Variants in OR1F1 observed in about 807,000 individuals in gnomAD.
OR1F1 encodes the protein olfactory receptor family 1 subfamily F member 1, also known as olfactory receptor 1F1.
For missense variants in OR1F1, 493 were observed against 376.3 expected (o/e 1.31, Z -2.57); for synonymous variants, 184 against 156.7 (o/e 1.17, Z -1.30).
upstream of OR1F1, chr16:3,204,107 C>T (rs1468177872): frequency 1.1e-5 from 7 of 650,974 alleles, no homozygotes; most frequent in Non-Finnish European, 1.6e-5. Flanking sequence ...AGTAGCAGCC[C>T]CAGCAGGGTT....
At chr16:3,190,126 A>G in the OR1F1 span, among the ~76,000 whole-genome samples, 1 of 152,018 alleles carries the variant, frequency 6.6e-6, no homozygotes, top group East Asian at 1.9e-4. Context: ...TTAATGAGAG[A>G]GTGAGCCAGG....
the OR1F1 span, among the ~76,000 whole-genome samples, chr16:3,193,922 C>T: frequency 6.6e-6 from 1 of 151,976 alleles, no homozygotes; most frequent in Non-Finnish European, 1.5e-5. Flanking sequence ...GTAACTGCCC[C>T]AGTGGCCTGA....
chr16:3,204,266 C>T (rs201608761), exon 1 of OR1F1: 43 of 1,608,748 alleles, frequency 2.7e-5, no homozygotes, highest in African/African-American at 1.2e-4. Context: ...ACAAACCAGT[C>T]GAGTGTCTCC....
upstream of OR1F1, chr16:3,204,185 C>A (rs529350112): frequency 4.3e-5 from 56 of 1,303,922 alleles, no homozygotes; most frequent in African/African-American, 7.7e-4. Flanking sequence ...TCTTAACCAG[C>A]ATTTTCCAAG....
At chr16:3,201,271 G>A (rs1453845808), upstream of OR1F1, among the ~76,000 whole-genome samples, 1 of 152,146 alleles carries the variant, frequency 6.6e-6, no homozygotes, top group Non-Finnish European at 1.5e-5. Flanking sequence ...TGTGACTAAT[G>A]TACAATAATT....
At chr16:3,189,681 C>G in the OR1F1 span, 2 of 151,778 alleles carry the variant, frequency 1.3e-5, no homozygotes, top group Admixed American at 1.3e-4. Flanking sequence ...GCGAGAGGTC[C>G]CGGGTTCAAA....
the OR1F1 span, among the ~76,000 whole-genome samples, chr16:3,194,605 G>A: frequency 6.6e-6 from 1 of 152,186 alleles, no homozygotes. Context: ...TGTATGATCA[G>A]TGCCAAAGGC....
chr16:3,189,630 G>T, the OR1F1 span: 8 of 152,030 alleles, frequency 5.3e-5, no homozygotes, highest in Admixed American at 4.6e-4. Flanking sequence ...TGCGTAAATC[G>T]TGTGGCTCGT....
chr16:3,189,973 T>A, the OR1F1 span, among the ~76,000 whole-genome samples: 2 of 152,186 alleles, frequency 1.3e-5, no homozygotes, highest in Non-Finnish European at 2.9e-5. Flanking sequence ...TTGTTTTTTG[T>A]TACTTCTGGC....
At chr16:3,194,337 C>A in the OR1F1 span, among the ~76,000 whole-genome samples, 1 of 152,202 alleles carries the variant, frequency 6.6e-6, no homozygotes, top group Non-Finnish European at 1.5e-5. Flanking sequence ...ATACACACCT[C>A]TTTGGCCCAC....
chr16:3,197,336 A>T, the OR1F1 span, among the ~76,000 whole-genome samples: 175 of 152,300 alleles, frequency 1.1e-3, no homozygotes, highest in Middle Eastern at 3.4e-3. Context: ...AATCTTAATA[A>T]TACATTTTAT....
At chr16:3,203,016 A>T (rs1194288596), upstream of OR1F1, among the ~76,000 whole-genome samples, 1 of 152,170 alleles carries the variant, frequency 6.6e-6, no homozygotes, top group Non-Finnish European at 1.5e-5. Context: ...TCAGCATCCC[A>T]GCTGGGTGGG....
chr16:3,195,379 G>T, the OR1F1 span, among the ~76,000 whole-genome samples: 1 of 152,210 alleles, frequency 6.6e-6, no homozygotes, highest in Admixed American at 6.5e-5. Flanking sequence ...CGACGCACTA[G>T]CTTCAAATGC....
chr16:3,189,049 C>T, the OR1F1 span, among the ~76,000 whole-genome samples: 327 of 152,308 alleles, frequency 2.1e-3, 1 homozygote, highest in African/African-American at 7.3e-3. Context: ...AAGAGACTCT[C>T]AGCGTCAGCC....
chr16:3,198,344 G>C, the OR1F1 span, among the ~76,000 whole-genome samples: 2 of 152,032 alleles, frequency 1.3e-5, no homozygotes, highest in Non-Finnish European at 2.9e-5. Context: ...GATTCTGAAG[G>C]CACAAAATAG....
chr16:3,191,963 A>G, the OR1F1 span, among the ~76,000 whole-genome samples: 1 of 152,178 alleles, frequency 6.6e-6, no homozygotes, highest in Non-Finnish European at 1.5e-5. Flanking sequence ...GGCTGCCACA[A>G]AGAAAAGTAA....
chr16:3,204,229 G>T, upstream of OR1F1: 1 of 1,566,198 alleles, frequency 6.4e-7, no homozygotes, highest in Non-Finnish European at 8.7e-7. Context: ...CTGCCTCTGT[G>T]TCCAGGATCC....
At chr16:3,203,045 T>C (rs1958153816), upstream of OR1F1, among the ~76,000 whole-genome samples, 2 of 152,190 alleles carry the variant, frequency 1.3e-5, no homozygotes, top group South Asian at 4.1e-4. Context: ...TACAGGGTCG[T>C]GAGTTTCCTC....
chr16:3,193,946 G>A, the OR1F1 span, among the ~76,000 whole-genome samples: 2 of 152,148 alleles, frequency 1.3e-5, no homozygotes, highest in Admixed American at 1.3e-4. Context: ...ATAAGGTACT[G>A]GCCTCCTAAG....
Sources: allele counts gnomAD v4.1 joint callset (sites outside exome capture counted in the v4.1 genomes callset), GRCh38; gene constraint gnomAD v4.1.1; transcripts MANE v1.5; gene names NCBI Gene and HGNC (gene_info 2026-07-23, HGNC 2026-07-21).